Variants in AREG observed in about 807,000 individuals in gnomAD.
AREG encodes the protein amphiregulin B.
In AREG, 16 loss-of-function variants were observed where a neutral mutation model predicts 28.0. The ratio of observed to expected loss-of-function variants is 0.57; its 90% CI spans 0.39 to 0.87. The LOEUF is 0.87. Ranked by LOEUF, AREG falls within the 40% of genes least tolerant of loss-of-function variation. The pLI is 0.00. For synonymous variants in AREG, 113 were observed against 113.5 expected, an observed-to-expected ratio of 1.00 and a Z score of 0.02; for missense variants, 287 against 309.1, an observed-to-expected ratio of 0.93 and a Z score of 0.53.
intron 1 of AREG, among the ~76,000 whole-genome samples, chr4:74,445,958 A>G (rs1385380417): frequency 6.6e-6 from 1 of 152,246 alleles, no homozygotes; most frequent in Non-Finnish European, 1.5e-5. Context: ...AGTAATAATA[A>G]TAATGATAAT....
chr4:74,454,043 T>G (rs1311913929), intron 5 of AREG, among the ~76,000 whole-genome samples: 2 of 152,248 alleles, frequency 1.3e-5, no homozygotes, highest in African/African-American at 4.8e-5. Flanking sequence ...GTTCTGATAC[T>G]TGAACAACGC....
chr4:74,452,420 C>CAAGT, intron 4 of AREG, 124 bp from the exon 5 acceptor site: 1 of 1,098,682 alleles, frequency 9.1e-7, no homozygotes, highest in Non-Finnish European at 1.4e-6. Flanking sequence ...GGTTTAGTGT[C>CAAGT]AAGTATAGTG....
rs1040038439 is a variant in AREG at position 74,450,211 on chromosome 4, T to C, written c.513-169T>C. On this transcript the variant is annotated intron_variant, in intron 3 of 5. Coordinates refer to ENST00000395748, the MANE Select transcript of AREG (RefSeq NM_001657.4). ...AACTAATCTCAACTTGTTCTTATACTAATAGATCCTTAGTTAGAATGCATT... is the reference window on the plus strand; with the variant it reads ...AACTAATCTCAACTTGTTCTTATACCAATAGATCCTTAGTTAGAATGCATT... Among the ~76,000 whole-genome samples, 226 of 152,340 alleles carry C rather than the reference T, an allele frequency of 1.5e-3. 5 individuals carry two copies. The South Asian group carries it at 0.044, about 29-fold the overall frequency.
chr4:74,450,501 A>G lies in AREG; in HGVS notation c.634A>G (p.Ile212Val), dbSNP rs1719364633. The G allele has an allele frequency of 1.2e-6, 2 of 1,613,962 alleles. No individual in the cohort carries two copies. Among genetic ancestry groups the G allele is most frequent in the Middle Eastern group, 3.3e-4 (2 of 6,048 alleles). The change falls in exon 4 of 6, where the codon ATC becomes GTC. Residue 212 changes from isoleucine to valine, a missense_variant. Ile to Val is a conservative substitution (Grantham distance 29). Coordinates refer to ENST00000395748, the MANE Select transcript of AREG (RefSeq NM_001657.4). ...AAIAAFMSAV[I>V]LTAVAVITVQ... ...CATAGCTGCCTTTATGTCTGCTGTG[A>G]TCCTCACAGCTGTTGCTGTTATTAC...
intron 4 of AREG, among the ~76,000 whole-genome samples, chr4:74,450,858 A>G (rs1719368879): frequency 6.6e-6 from 1 of 152,178 alleles, no homozygotes; most frequent in African/African-American, 2.4e-5. Flanking sequence ...ATCTACTGTG[A>G]AATCCTATGC....
intron 4 of AREG, among the ~76,000 whole-genome samples, chr4:74,451,869 G>A (rs1288204909): frequency 6.6e-6 from 1 of 152,028 alleles, no homozygotes; most frequent in East Asian, 1.9e-4. Context: ...TTCTCCTTGT[G>A]TTTGAAACAT....
chr4:74,452,393 T>G lies in AREG; in HGVS notation c.666-151T>G, dbSNP rs1719394324. The G allele has an allele frequency of 3.6e-6, 3 of 839,484 alleles. No individual in the cohort carries two copies. The South Asian group carries it at 4.8e-5, about 13-fold the overall frequency. 52.0% of individuals were successfully genotyped at this position (839,484 alleles called of 1,614,324 possible). A position where few individuals can be genotyped will look rare whatever the true frequency, so the allele number is the denominator to read the frequency against. On this transcript the variant is annotated intron_variant, in intron 4 of 5. Transcript: ENST00000395748. ...AATACCCCCTTAGAAATTGGTAATA[T>G]TTTATAGCCAGGTTTAGGTTTAGTG...
Position 74,445,199 on chromosome 4 carries a change from C to G in AREG, c.-147C>G. On this transcript the variant is annotated 5_prime_UTR_variant, in exon 1 of 6. Transcript: ENST00000395748. ...CCGGGACAGCCCGAGGCGCCGCGCCCGCCGCCCCGAGCTCCCCAAGCCTTC... is the reference window on the plus strand; with the variant it reads ...CCGGGACAGCCCGAGGCGCCGCGCCGGCCGCCCCGAGCTCCCCAAGCCTTC... 8.1e-6 allele frequency: 12 copies of G among 1,484,588 alleles called. No homozygotes were observed. The highest frequency in any genetic ancestry group is 1.1e-5 in the Non-Finnish European group (12 of 1,111,302). The allele number at this position is 1,484,588 out of a possible 1,614,324, so 92.0% of individuals were successfully genotyped here. A position where few individuals can be genotyped will look rare whatever the true frequency, so the allele number is the denominator to read the frequency against.
intron 3 of AREG, among the ~76,000 whole-genome samples, 171 bp from the exon 4 acceptor site, chr4:74,450,209 A>G (rs1008130790): frequency 5.3e-5 from 8 of 152,304 alleles, no homozygotes; most frequent in South Asian, 2.1e-4. Context: ...TTGTTCTTAT[A>G]CTAATAGATC....
In AREG at chr4:74,445,177, G is replaced by A; in HGVS notation, c.-169G>A. 1 of 1,443,990 alleles carries A rather than the reference G, an allele frequency of 6.9e-7. No individual in the cohort carries two copies. Among genetic ancestry groups the A allele is most frequent in the East Asian group, 2.5e-5 (1 of 39,914 alleles). The allele number at this position is 1,443,990 out of a possible 1,614,324, so 89.4% of individuals were successfully genotyped here. On this transcript the variant is annotated 5_prime_UTR_variant, in exon 1 of 6. Coordinates refer to ENST00000395748, the MANE Select transcript of AREG (RefSeq NM_001657.4). The stretch of plus-strand genomic sequence containing the variant: ...GGGTGCCAGCGCCCCAGAGGTCCCG[G>A]GACAGCCCGAGGCGCCGCGCCCGCC...
intron 4 of AREG, among the ~76,000 whole-genome samples, chr4:74,451,382 G>A (rs1654278225): frequency 6.6e-6 from 1 of 152,082 alleles, no homozygotes; most frequent in Admixed American, 6.5e-5. Flanking sequence ...GAAAAGCAAG[G>A]GACTCATTCT....
Position 74,446,612 on chromosome 4 carries a change from A to G in AREG, c.140A>G (p.Asp47Gly). ...CCATTTTCTGGGGACCACAGTGCTG[A>G]TGGATTTGAGGTTACCTCAAGAAGT... ...REPFSGDHSA[D>G]GFEVTSRSEM... Residue 47 changes from aspartate (D) to glycine (G), a missense_variant, in exon 2 of 6, where the codon GAT (aspartate) becomes GGT (glycine). Transcript: ENST00000395748. 1 of 1,613,964 alleles carries G rather than the reference A, an allele frequency of 6.2e-7. No homozygotes were observed. The highest frequency in any genetic ancestry group is 8.5e-7 in the Non-Finnish European group (1 of 1,179,860).
chr4:74,454,631 A>G, intron 5 of AREG, 128 bp from the exon 6 acceptor site: 1 of 536,340 alleles, frequency 1.9e-6, no homozygotes, highest in Middle Eastern at 4.8e-4. Context: ...ACGATGTACT[A>G]GAAAACAACT....
chr4:74,447,015 T>G (rs1445141703), intron 2 of AREG, among the ~76,000 whole-genome samples: 4 of 152,192 alleles, frequency 2.6e-5, no homozygotes, highest in African/African-American at 9.7e-5. Context: ...CACAATGACT[T>G]TAAGTAGGAA....
At position 74,450,467 on chromosome 4, in the gene AREG, A is replaced by G; in HGVS notation, c.600A>G (p.Ala200=). ...TTGACAGTAGTTTATCAAAAATTGC[A>G]TTAGCAGCCATAGCTGCCTTTATGT... ...SMIDSSLSKI[A]LAAIAAFMSA... is the part of the protein sequence containing the mutation. The change falls in exon 4 of 6, where the codon GCA becomes GCG. Residue 200 remains alanine, a synonymous_variant. Coordinates refer to ENST00000395748, the MANE Select transcript of AREG (RefSeq NM_001657.4). The G allele has an allele frequency of 6.2e-7, 1 of 1,614,002 alleles. No homozygotes were observed. Among genetic ancestry groups the G allele is most frequent in the Non-Finnish European group, 8.5e-7 (1 of 1,179,852 alleles).
intron 4 of AREG, among the ~76,000 whole-genome samples, chr4:74,451,646 A>G (rs1235012665): frequency 1.3e-5 from 2 of 152,218 alleles, no homozygotes; most frequent in African/African-American, 4.8e-5. Flanking sequence ...CAGATATGCA[A>G]AGGTGTTTAG....
rs1560615629 is a variant in AREG, at chr4:74,454,729, A to AGTATT, written c.*19-30_*19-29insGTATT. On this transcript the variant is annotated intron_variant, in intron 5 of 5. Coordinates refer to ENST00000395748, the MANE Select transcript of AREG (RefSeq NM_001657.4). Reference sequence around the variant, plus strand: ...TATCTGTAACATTTTGTTTTATTTTATTATTTTATTTTATTTTATTTTCTC... The same window carrying AGTATT: ...TATCTGTAACATTTTGTTTTATTTTAGTATTTTATTTTATTTTATTTTATTTTCTC... 6.9e-5 allele frequency: 46 copies of AGTATT among 663,416 alleles called. No individual in the cohort carries two copies. The South Asian group carries it at 7.9e-4, about 11-fold the overall frequency. 41.1% of individuals were successfully genotyped at this position (663,416 alleles called of 1,614,324 possible). A position where few individuals can be genotyped will look rare whatever the true frequency, so the allele number is the denominator to read the frequency against.
chr4:74,449,358 CT>C, intron 3 of AREG, 110 bp downstream of exon 3: 1 of 1,554,474 alleles, frequency 6.4e-7, no homozygotes, highest in Admixed American at 2.0e-5. Context: ...GGTCAGTAAA[CT>C]TTTTGTTAAA....
chr4:74,446,713 T>C lies in AREG; in HGVS notation c.241T>C (p.Tyr81His). Residue 81 changes from tyrosine (Y) to histidine (H), a missense_variant, in exon 2 of 6, where the codon TAT (tyrosine) becomes CAT (histidine). Coordinates refer to ENST00000395748, the MANE Select transcript of AREG (RefSeq NM_001657.4). ...SSSEPSSGADYDYSEEYDNEP... is the reference protein window; with the variant it reads ...SSSEPSSGADHDYSEEYDNEP... ...TAGTGAACCGTCCTCGGGAGCCGAC[T>C]ATGACTACTCAGAAGAGTATGATAA... The C allele has an allele frequency of 6.2e-7, 1 of 1,613,984 alleles. No homozygotes were observed. Among genetic ancestry groups the C allele is most frequent in the South Asian group, 1.1e-5 (1 of 91,074 alleles).
Sources: gnomAD v4.1 joint callset for allele counts (sites outside exome capture counted in the v4.1 genomes callset) on GRCh38, gnomAD v4.1.1 for gene constraint, MANE v1.5 for transcripts, NCBI Gene and HGNC (gene_info 2026-07-23, HGNC 2026-07-21) for gene names.